Variants in STX3 observed in about 807,000 individuals in gnomAD.
STX3 encodes syntaxin-3.
Under a neutral mutation model 40.2 loss-of-function variants are expected in STX3, and 19 were observed. The observed-to-expected ratio is 0.47, with a 90% CI of 0.33 to 0.69. The LOEUF is 0.69. Among genes scored for constraint, STX3 ranks in the 30% least tolerant of loss-of-function variants. The pLI is 0.02. For missense variants in STX3, 364 were observed against 366.7 expected, an observed-to-expected ratio of 0.99 and a Z score of 0.06; for synonymous variants, 122 against 132.2, an observed-to-expected ratio of 0.92 and a Z score of 0.53.
rs1344011814 is a variant in STX3, at chr11:59,793,433, C to G, written c.594C>G (p.His198Gln). 3.7e-6 allele frequency: 6 copies of G among 1,614,152 alleles called. No individual in the cohort carries two copies. The Admixed American group carries it at 1.0e-4, about 27-fold the overall frequency. ...CCCTCAGTGAGATTGAGGGACGACA[C>G]AAGGACATTGTGAGGCTGGAGAGCA... ...KQALSEIEGRHKDIVRLESSI... is the reference protein window; with the variant it reads ...KQALSEIEGRQKDIVRLESSI... The change falls in exon 8 of 11, where the codon CAC becomes CAG. Residue 198 changes from histidine to glutamine, a missense_variant. Coordinates refer to ENST00000337979, the MANE Select transcript of STX3 (RefSeq NM_004177.5).
At chr11:59,772,947 C>G (rs537076536) in intron 1 of STX3, among the ~76,000 whole-genome samples, 1 of 149,906 alleles carries the variant, frequency 6.7e-6, no homozygotes, top group Admixed American at 6.7e-5. Flanking sequence ...CAGTTCCTCC[C>G]TTTCTCACCC....
At chr11:59,785,374 A>G (rs1439807166) in intron 2 of STX3, among the ~76,000 whole-genome samples, 2 of 152,052 alleles carry the variant, frequency 1.3e-5, no homozygotes, top group East Asian at 3.9e-4. Context: ...TCCGTTGCTC[A>G]GGCGGGAAAT....
At chr11:59,771,922 G>C (rs185457811) in intron 1 of STX3, among the ~76,000 whole-genome samples, 1 of 152,294 alleles carries the variant, frequency 6.6e-6, no homozygotes, top group East Asian at 1.9e-4. Flanking sequence ...CCTTGAATGT[G>C]GCTATTAACC....
At chr11:59,791,657 A>G (rs1197021273) in intron 5 of STX3, among the ~76,000 whole-genome samples, 2 of 152,240 alleles carry the variant, frequency 1.3e-5, no homozygotes, top group Non-Finnish European at 2.9e-5. Flanking sequence ...TAGCTTAGGC[A>G]TGCAGGGCTG....
At position 59,788,925 on chromosome 11, in the gene STX3, C is replaced by A. The variant is rs771616633; in HGVS notation, c.267C>A (p.Asn89Lys). 4 of 1,611,018 alleles carry A rather than the reference C, an allele frequency of 2.5e-6. No homozygotes were observed. In the South Asian group the frequency reaches 3.3e-5, roughly 13 times the overall value. Residue 89 changes from asparagine to lysine, a missense_variant, in exon 4 of 11, where the codon AAC becomes AAA. Asn to Lys is a moderately conservative substitution (Grantham distance 94). Transcript: ENST00000337979. ...CGACTGAGATTAAGAAAAGGGCCAA[C>A]AACGTCCGGAACAAACTGAAGAGTA... is the stretch of plus-strand genomic sequence containing the variant. Reference protein sequence around the residue: ...QLTTEIKKRANNVRNKLKSME... With the variant: ...QLTTEIKKRAKNVRNKLKSME...
In STX3 at chr11:59,804,622, T is replaced by C. The variant is rs1047629992; in HGVS notation, c.*3798T>C. The C allele has an allele frequency of 1.3e-5, 2 of 152,200 alleles. No individual in the cohort carries two copies. The highest frequency in any genetic ancestry group is 2.9e-5 in the Non-Finnish European group (2 of 68,044). The allele number at this position is 152,200 out of a possible 1,614,324, so 9.4% of individuals were successfully genotyped here. ...ACCACAACATGAAAATTTAAAGTGC[T>C]TTTTCTATGGGTGGTGATGGTGGAG... On this transcript the variant is annotated 3_prime_UTR_variant, in exon 11 of 11. Transcript: ENST00000337979.
chr11:59,780,431 A>C (rs767205565), intron 2 of STX3, among the ~76,000 whole-genome samples: 1 of 152,222 alleles, frequency 6.6e-6, no homozygotes, highest in Non-Finnish European at 1.5e-5. Context: ...ACTGTGAGAA[A>C]TATATCCTGT....
At chr11:59,760,762 G>T (rs1002378105) in intron 1 of STX3, among the ~76,000 whole-genome samples, 1 of 152,202 alleles carries the variant, frequency 6.6e-6, no homozygotes, top group Non-Finnish European at 1.5e-5. Flanking sequence ...TCTCAGGTTT[G>T]ACTGAGATCC....
chr11:59,759,218 T>G (rs1471854606), intron 1 of STX3, among the ~76,000 whole-genome samples: 1 of 152,212 alleles, frequency 6.6e-6, no homozygotes, highest in Non-Finnish European at 1.5e-5. Flanking sequence ...GGTTTTTCTA[T>G]TATTCTCATT....
intron 4 of STX3, 157 bp downstream of exon 4, chr11:59,789,104 T>G (rs1015963525): frequency 3.4e-6 from 2 of 595,042 alleles, no homozygotes; most frequent in Non-Finnish European, 5.8e-6. Flanking sequence ...AATGATCCAT[T>G]GTAGCCCCAG....
At chr11:59,759,738 C>T (rs549214218) in intron 1 of STX3, among the ~76,000 whole-genome samples, 11 of 152,202 alleles carry the variant, frequency 7.2e-5, no homozygotes, top group Non-Finnish European at 1.3e-4. Context: ...TGTCTTGCTG[C>T]TTCCTAAATG....
At chr11:59,797,740 G>A (rs1286305648) in intron 10 of STX3, among the ~76,000 whole-genome samples, 1 of 152,200 alleles carries the variant, frequency 6.6e-6, no homozygotes, top group East Asian at 1.9e-4. Context: ...TGGATCTGGA[G>A]TCTGTCTTCT....
rs1865894733 is a variant in STX3 at position 59,801,722 on chromosome 11, CAT to C, written c.*899_*900del. 15 of 985,420 alleles carry C rather than the reference CAT, an allele frequency of 1.5e-5. No homozygotes were observed. Among genetic ancestry groups the C allele is most frequent in the African/African-American group, 5.3e-5 (3 of 57,100 alleles). 61.0% of individuals were successfully genotyped at this position (985,420 alleles called of 1,614,324 possible). Reference sequence around the variant, plus strand: ...ATTTCATGACACTGGTGTATTCACTCATGTGTTCCAGATGTATTCTAATTGTG... The same window carrying C: ...ATTTCATGACACTGGTGTATTCACTCGTGTTCCAGATGTATTCTAATTGTG... On this transcript the variant is annotated 3_prime_UTR_variant, in exon 11 of 11. Coordinates refer to ENST00000337979, the MANE Select transcript of STX3 (RefSeq NM_004177.5).
At chr11:59,791,428 G>T (rs1405035026) in intron 5 of STX3, among the ~76,000 whole-genome samples, 3 of 152,170 alleles carry the variant, frequency 2.0e-5, no homozygotes, top group East Asian at 3.8e-4. Flanking sequence ...ATATTAGGAG[G>T]ATTATTATGG....
Position 59,804,851 on chromosome 11 carries a change from C to G in STX3, c.*4027C>G, listed in dbSNP as rs952488115. The stretch of plus-strand genomic sequence containing the variant: ...AATGAGGTTATCACTCACTTCACCT[C>G]TCACCTGATTTGTGTTGCTAGCTGA... On this transcript the variant is annotated 3_prime_UTR_variant, in exon 11 of 11. Coordinates refer to ENST00000337979, the MANE Select transcript of STX3 (RefSeq NM_004177.5). 2 of 152,200 alleles carry G rather than the reference C, an allele frequency of 1.3e-5. No homozygotes were observed. The highest frequency in any genetic ancestry group is 6.6e-5 in the Admixed American group (1 of 15,264). 9.4% of individuals were successfully genotyped at this position (152,200 alleles called of 1,614,324 possible).
At chr11:59,770,529 G>A (rs987991940) in intron 1 of STX3, among the ~76,000 whole-genome samples, 3 of 152,112 alleles carry the variant, frequency 2.0e-5, no homozygotes, top group South Asian at 2.1e-4. Context: ...GAGGAAGACC[G>A]GGTCACAGTG....
At chr11:59,795,343 T>C (rs747863048) in intron 8 of STX3, 29 bp from the exon 9 acceptor site, 1 of 1,584,926 alleles carries the variant, frequency 6.3e-7, no homozygotes, top group Non-Finnish European at 8.6e-7. Context: ...AGACGTTTAC[T>C]TGGTGTGATC....
intron 2 of STX3, among the ~76,000 whole-genome samples, chr11:59,778,957 C>T (rs1234415184): frequency 2.6e-5 from 4 of 151,688 alleles, no homozygotes; most frequent in African/African-American, 9.7e-5. Flanking sequence ...CCTGCCTCAG[C>T]CTCCCAAGTA....
chr11:59,781,425 T>G, intron 2 of STX3: 4 of 1,609,974 alleles, frequency 2.5e-6, no homozygotes, highest in Non-Finnish European at 3.4e-6. Flanking sequence ...CCCATCCCAC[T>G]CCTGATGCTG....
Sources: allele counts gnomAD v4.1 joint callset (sites outside exome capture counted in the v4.1 genomes callset), GRCh38; gene constraint gnomAD v4.1.1; transcripts MANE v1.5; gene names NCBI Gene and HGNC (gene_info 2026-07-23, HGNC 2026-07-21).